ADGRL3: variants seen among roughly 807,000 people sequenced by gnomAD.
ADGRL3 encodes calcium-independent alpha-latrotoxin receptor 3.
ADGRL3 carries 62 observed loss-of-function variants against 153.5 expected under a neutral mutation model. That is an observed-to-expected ratio of 0.40 (90% CI 0.33 to 0.50). The LOEUF is 0.50. ADGRL3 is among the 20% of genes least tolerant of loss of function. ADGRL3 has a pLI of 0.47. For synonymous variants in ADGRL3, 710 were observed against 672.5 expected, an observed-to-expected ratio of 1.06 and a Z score of -0.86; for missense variants, 1,641 against 1,859.4, an observed-to-expected ratio of 0.88 and a Z score of 2.16.
intron 8 of ADGRL3, among the ~76,000 whole-genome samples, chr4:61,745,538 C>G (rs58001789): frequency 8.5e-5 from 13 of 152,160 alleles, no homozygotes; most frequent in African/African-American, 1.2e-4. Context: ...AGCCAGAAGA[C>G]AGTGGGGGCC....
intron 2 of ADGRL3, among the ~76,000 whole-genome samples, chr4:61,434,866 T>A (rs767204607): frequency 6.6e-6 from 1 of 152,096 alleles, no homozygotes; most frequent in Non-Finnish European, 1.5e-5. Context: ...AAGATGTACA[T>A]CTCATCTCTC....
At chr4:61,770,006 T>G (rs1237174487) in intron 8 of ADGRL3, among the ~76,000 whole-genome samples, 3 of 152,202 alleles carry the variant, frequency 2.0e-5, no homozygotes, top group Non-Finnish European at 4.4e-5. Context: ...ATGGCTTGGC[T>G]TGGGCTCAGA....
At chr4:61,920,043 CTT>C (rs774774522) in intron 13 of ADGRL3, among the ~76,000 whole-genome samples, 7 of 152,120 alleles carry the variant, frequency 4.6e-5, no homozygotes, top group Non-Finnish European at 1.0e-4. Flanking sequence ...ATTCTCTTCT[CTT>C]ATTTAATTTT....
chr4:61,241,741 C>T (rs375780509), intron 1 of ADGRL3, among the ~76,000 whole-genome samples: 2 of 152,122 alleles, frequency 1.3e-5, no homozygotes, highest in East Asian at 3.9e-4. Flanking sequence ...CACAGAAATA[C>T]ATTCAGACAC....
intron 8 of ADGRL3, among the ~76,000 whole-genome samples, chr4:61,753,750 C>T (rs2096785599): frequency 6.6e-6 from 1 of 152,140 alleles, no homozygotes; most frequent in African/African-American, 2.4e-5. Flanking sequence ...CAAAGTAAGA[C>T]TAATTTGATA....
chr4:61,551,480 G>T (rs529916922), intron 4 of ADGRL3, among the ~76,000 whole-genome samples: 2 of 152,204 alleles, frequency 1.3e-5, no homozygotes, highest in South Asian at 4.1e-4. Flanking sequence ...AGAGGATACT[G>T]AAAGAACTGT....
chr4:61,934,843 A>G lies in ADGRL3; in HGVS notation c.2116A>G (p.Met706Val), dbSNP rs537114626. ...ERSCRAYVQA[M>V]VETVNNLLQP... ...CATTCTTTTCATCCTCTTGTAGGCA[A>G]TGGTCGAGACAGTTAACAACCTCCT... Residue 706 changes from methionine to valine, a missense_variant, in exon 14 of 27, where the codon ATG (methionine) becomes GTG (valine). Met to Val is a conservative substitution (Grantham distance 21, BLOSUM62 1). This residue lies in a region of ADGRL3 where 734 missense variants were observed against 797.0 expected (regional missense o/e 0.92). Transcript: ENST00000683033. 25 of 1,613,186 alleles carry G rather than the reference A, an allele frequency of 1.5e-5. No individual in the cohort carries two copies. The highest frequency in any genetic ancestry group is 2.0e-5 in the Non-Finnish European group (24 of 1,179,506).
At chr4:61,310,160 A>T (rs535389309) in intron 1 of ADGRL3, among the ~76,000 whole-genome samples, 2 of 151,800 alleles carry the variant, frequency 1.3e-5, no homozygotes, top group African/African-American at 4.8e-5. Flanking sequence ...TTCTGAGATC[A>T]TGTGCAGAAT....
intron 5 of ADGRL3, among the ~76,000 whole-genome samples, chr4:61,632,724 T>C (rs1005196890): frequency 1.3e-5 from 2 of 152,206 alleles, no homozygotes; most frequent in Admixed American, 6.6e-5. Flanking sequence ...ATTCTTATTG[T>C]TTCCTTATAA....
chr4:61,661,409 T>A (rs2094589680), intron 5 of ADGRL3, among the ~76,000 whole-genome samples: 1 of 152,066 alleles, frequency 6.6e-6, no homozygotes, highest in Non-Finnish European at 1.5e-5. Context: ...AGAATTATGG[T>A]TTCTTAATAA....
chr4:62,016,228 T>C (rs200202606), intron 21 of ADGRL3, among the ~76,000 whole-genome samples: 2 of 152,188 alleles, frequency 1.3e-5, no homozygotes, highest in South Asian at 4.2e-4. Flanking sequence ...TTTGTATTTT[T>C]AGTAGAGATG....
intron 4 of ADGRL3, chr4:61,583,745 A>G: frequency 1.9e-6 from 1 of 518,328 alleles, no homozygotes; most frequent in Non-Finnish European, 3.9e-6. Flanking sequence ...CAGATTTCAC[A>G]TCTAAAACTT....
chr4:61,927,292 G>A (rs887653248), intron 13 of ADGRL3, among the ~76,000 whole-genome samples: 1 of 151,748 alleles, frequency 6.6e-6, no homozygotes, highest in African/African-American at 2.4e-5. Context: ...ACAGCATTTG[G>A]TCATTTCATT....
intron 2 of ADGRL3, among the ~76,000 whole-genome samples, chr4:61,491,396 A>G (rs2098256332): frequency 6.6e-6 from 1 of 152,144 alleles, no homozygotes; most frequent in Non-Finnish European, 1.5e-5. Flanking sequence ...ACTAAGTTAA[A>G]TTTCTAAGAA....
intron 3 of ADGRL3, among the ~76,000 whole-genome samples, chr4:61,500,029 CAGAGAG>C (rs10673228): frequency 0.25 from 35,712 of 140,490 alleles, 5,223 homozygotes; most frequent in Admixed American, 0.35. Flanking sequence ...CACACAGAAA[CAGAGAG>C]AGAGAGAGAG....
At chr4:61,748,714 G>A (rs368105627) in intron 8 of ADGRL3, among the ~76,000 whole-genome samples, 5 of 151,868 alleles carry the variant, frequency 3.3e-5, no homozygotes, top group Middle Eastern at 3.2e-3. Context: ...TTAATTCAAG[G>A]TGGATTAAAG....
chr4:61,239,159 A>G (rs1266213934), intron 1 of ADGRL3, among the ~76,000 whole-genome samples: 1 of 152,124 alleles, frequency 6.6e-6, no homozygotes, highest in East Asian at 1.9e-4. Flanking sequence ...AATGGTTTCT[A>G]TAACAAATGG....
At chr4:61,540,894 T>C (rs1184248347) in intron 4 of ADGRL3, among the ~76,000 whole-genome samples, 1 of 152,080 alleles carries the variant, frequency 6.6e-6, no homozygotes, top group African/African-American at 2.4e-5. Flanking sequence ...TATAAAATGA[T>C]CGTTTCACTG....
At chr4:61,732,717 A>T in intron 7 of ADGRL3, 37 bp from the exon 8 acceptor site, 1 of 1,162,788 alleles carries the variant, frequency 8.6e-7, no homozygotes, top group Non-Finnish European at 1.2e-6. Context: ...TATGAAATTA[A>T]TATATTTATT....
Sources: gnomAD v4.1 joint callset for allele counts (sites outside exome capture counted in the v4.1 genomes callset) on GRCh38, gnomAD v4.1.1 for gene constraint, gnomAD v4.1.1 regional missense constraint, MANE v1.5 for transcripts, NCBI Gene and HGNC (gene_info 2026-07-23, HGNC 2026-07-21) for gene names.